PIEZO2: variants seen among roughly 807,000 people sequenced by gnomAD.
PIEZO2 encodes piezo type mechanosensitive ion channel component 2, also known as piezo-type mechanosensitive ion channel component 2.
PIEZO2 carries 172 observed loss-of-function variants against 337.3 expected under a neutral mutation model. That is an observed-to-expected ratio of 0.51 (90% CI 0.45 to 0.58). The LOEUF (loss-of-function observed/expected upper bound fraction) is 0.58, where lower values mean the gene tolerates loss of function less well. Among genes scored for constraint, PIEZO2 ranks in the 20% least tolerant of loss-of-function variants. The probability of loss-of-function intolerance (pLI) is 0.00; values close to 1 mark genes in which losing one functional copy is unlikely to be tolerated. For synonymous variants in PIEZO2, 1,251 were observed against 1,228.5 expected (o/e 1.02, Z -0.38); for missense variants, 3,028 against 3,391.3 (o/e 0.89, Z 2.66).
chr18:11,007,739 G>C (rs138876062), intron 2 of PIEZO2, among the ~76,000 whole-genome samples: 45 of 152,234 alleles, frequency 3.0e-4, no homozygotes, highest in African/African-American at 1.1e-3. Context: ...ACTGAGGGGG[G>C]TGGCAAAAAA....
At position 11,125,300 on chromosome 18, in the gene PIEZO2, C is replaced by T. The variant is rs1027614679; in HGVS notation, c.64+23225G>A. Among the ~76,000 whole-genome samples, 1 of 152,164 alleles carries T rather than the reference C, an allele frequency of 6.6e-6. No homozygotes were observed. Among genetic ancestry groups the T allele is most frequent in the East Asian group, 1.9e-4 (1 of 5,194 alleles). ...GTATGCGAATATGTTTTAAAAACTACGATGTGTCCGACAAAAGACAGTGCT... is the reference window on the plus strand; with the variant it reads ...GTATGCGAATATGTTTTAAAAACTATGATGTGTCCGACAAAAGACAGTGCT... On this transcript the variant is annotated intron_variant, in intron 1 of 55. Coordinates refer to ENST00000674853, the MANE Select transcript of PIEZO2 (RefSeq NM_001378183.1). This position sits in a 1 kb window ranked among gnomAD's most constrained non-coding sequence, Gnocchi z 4.4.
chr18:10,711,656 G>A (rs1433526800), intron 39 of PIEZO2, among the ~76,000 whole-genome samples: 1 of 152,094 alleles, frequency 6.6e-6, no homozygotes, highest in Non-Finnish European at 1.5e-5. Flanking sequence ...CAAGAAGGGA[G>A]GTTAAAAAAA....
intron 4 of PIEZO2, among the ~76,000 whole-genome samples, chr18:10,887,929 G>A (rs138332237): frequency 1.5e-3 from 233 of 152,192 alleles, no homozygotes; most frequent in African/African-American, 5.0e-3. Context: ...AGTCGAATTG[G>A]CGTGCACCAG....
At chr18:11,061,144 A>G (rs558704393) in intron 2 of PIEZO2, among the ~76,000 whole-genome samples, 4 of 152,354 alleles carry the variant, frequency 2.6e-5, no homozygotes, top group African/African-American at 9.6e-5. Flanking sequence ...AACAGAACCA[A>G]TGACAAAAAC....
At chr18:11,052,032 C>T (rs2037554027) in intron 2 of PIEZO2, among the ~76,000 whole-genome samples, 1 of 152,142 alleles carries the variant, frequency 6.6e-6, no homozygotes, top group Admixed American at 6.5e-5. Flanking sequence ...TCAGTGCCTC[C>T]TTATGTGGTA....
intron 39 of PIEZO2, among the ~76,000 whole-genome samples, chr18:10,708,981 T>G (rs1228588976): frequency 6.6e-6 from 1 of 152,166 alleles, no homozygotes; most frequent in African/African-American, 2.4e-5. Context: ...TTGCACCCCA[T>G]TTTTGGAGTG....
chr18:10,753,574 A>G (rs944291446), intron 27 of PIEZO2, among the ~76,000 whole-genome samples: 26 of 152,134 alleles, frequency 1.7e-4, no homozygotes, highest in Non-Finnish European at 1.2e-4. Flanking sequence ...TCCCAACTGC[A>G]TTTCTTGATT....
At chr18:10,926,223 G>C (rs1160214885) in intron 3 of PIEZO2, among the ~76,000 whole-genome samples, 5 of 152,188 alleles carry the variant, frequency 3.3e-5, no homozygotes, top group Non-Finnish European at 7.3e-5. Context: ...GGGGGAGACC[G>C]GGTGTGCTGG....
intron 3 of PIEZO2, among the ~76,000 whole-genome samples, chr18:10,972,541 G>C (rs967025637): frequency 1.3e-5 from 2 of 152,108 alleles, no homozygotes; most frequent in African/African-American, 4.8e-5. Flanking sequence ...GGTCACTAAA[G>C]ACACACATCA....
rs1293031916 is a variant in PIEZO2 at position 10,914,465 on chromosome 18, T to G, written c.287-3237A>C. Among the ~76,000 whole-genome samples the G allele has an allele frequency of 5.3e-5, 8 of 152,292 alleles. No homozygotes were observed. The East Asian group carries it at 1.5e-3, about 29-fold the overall frequency. ...ATTTGTATATAACCTTGCAGCCCCCTGCATACTTCAAATCATCTGTAGATT... is the reference window on the plus strand; with the variant it reads ...ATTTGTATATAACCTTGCAGCCCCCGGCATACTTCAAATCATCTGTAGATT... On this transcript the variant is annotated intron_variant, in intron 3 of 55. Transcript: ENST00000674853.
intron 2 of PIEZO2, among the ~76,000 whole-genome samples, chr18:11,064,599 A>G (rs551188090): frequency 6.6e-6 from 1 of 152,388 alleles, no homozygotes; most frequent in South Asian, 2.1e-4. Flanking sequence ...ACTGATGTCC[A>G]TAAACCATCA....
intron 1 of PIEZO2, among the ~76,000 whole-genome samples, chr18:11,138,340 A>C (rs2040547484): frequency 6.6e-6 from 1 of 152,182 alleles, no homozygotes; most frequent in Admixed American, 6.5e-5. Flanking sequence ...CTGTAGCCCA[A>C]GCTGGAGTAC....
chr18:11,091,105 G>GC (rs2039073363), intron 1 of PIEZO2, among the ~76,000 whole-genome samples: 2 of 151,870 alleles, frequency 1.3e-5, no homozygotes, highest in Non-Finnish European at 2.9e-5. Context: ...AAATATTCAG[G>GC]CCCGGCGCAG....
rs1011023676 is a variant in PIEZO2 at position 10,935,239 on chromosome 18, G to A, written c.287-24011C>T. Among the ~76,000 whole-genome samples the A allele has an allele frequency of 3.3e-5, 5 of 152,126 alleles. No homozygotes were observed. In the East Asian group the frequency reaches 7.7e-4, roughly 23 times the overall value. On this transcript the variant is annotated intron_variant, in intron 3 of 55. Coordinates refer to ENST00000674853, the MANE Select transcript of PIEZO2 (RefSeq NM_001378183.1). ...GGGAGACCTGCAGAAAATGTTCTCC[G>A]CGATGCCACACATGATTATGAATAG...
Position 10,748,626 on chromosome 18 carries a change from A to G in PIEZO2, c.4269T>C (p.Ala1423=), listed in dbSNP as rs777458154. ...TGGGAAGTGTACAGGGTGAATTAGC[A>G]GCAGCTATAGTAACAGTAGAAAAAC... The part of the protein sequence containing the change: ...ACTVKGYQMP[A]ANSPCTLPSG... Residue 1423 remains alanine, a synonymous_variant, in exon 30 of 56, where the codon GCT becomes GCC. Transcript: ENST00000674853. This position sits in a 1 kb window ranked among gnomAD's most constrained non-coding sequence, Gnocchi z 5.1. 4.1e-6 allele frequency: 6 copies of G among 1,461,816 alleles called. No individual in the cohort carries two copies. The highest frequency in any genetic ancestry group is 5.4e-6 in the Non-Finnish European group (6 of 1,115,794). 90.6% of individuals were successfully genotyped at this position (1,461,816 alleles called of 1,614,324 possible). A position where few individuals can be genotyped will look rare whatever the true frequency, so the allele number is the denominator to read the frequency against.
At chr18:10,725,260 C>T (rs2036486071) in intron 36 of PIEZO2, 3 of 1,562,242 alleles carry the variant, frequency 1.9e-6, no homozygotes, top group Non-Finnish European at 2.6e-6. Flanking sequence ...CGGCAGGCAG[C>T]TGCTCACCAA....
At chr18:11,023,428 T>G (rs1421340269) in intron 2 of PIEZO2, among the ~76,000 whole-genome samples, 1 of 152,160 alleles carries the variant, frequency 6.6e-6, no homozygotes, top group East Asian at 1.9e-4. Context: ...GAGTGTGGAT[T>G]GGTGCATTCA....
intron 2 of PIEZO2, among the ~76,000 whole-genome samples, chr18:11,025,640 TTCTC>T (rs913676385): frequency 1.3e-5 from 2 of 152,182 alleles, no homozygotes; most frequent in Non-Finnish European, 1.5e-5. Flanking sequence ...AATGAAAAGA[TTCTC>T]TCTGTTTTTG....
rs531805959 is a variant in PIEZO2, at chr18:10,729,115, A to T, written c.5029+2292T>A. Reference sequence around the variant, plus strand: ...CTGGGTTGGGGCAGATTATACGTGTACCTCTTTACTGTTTGACCTGTTCCA... The same window carrying T: ...CTGGGTTGGGGCAGATTATACGTGTTCCTCTTTACTGTTTGACCTGTTCCA... On this transcript the variant is annotated intron_variant, in intron 36 of 55. Transcript: ENST00000674853. 2.0e-5 allele frequency among the ~76,000 whole-genome samples: 3 copies of T among 152,202 alleles called. No individual in the cohort carries two copies. In the South Asian group the frequency reaches 6.2e-4, roughly 32 times the overall value.
Sources: gnomAD v4.1 joint callset for allele counts (sites outside exome capture counted in the v4.1 genomes callset) on GRCh38, gnomAD v4.1.1 for gene constraint, Gnocchi (gnomAD v3.1) non-coding constraint, MANE v1.5 for transcripts, NCBI Gene and HGNC (gene_info 2026-07-23, HGNC 2026-07-21) for gene names.